Variants in ANKRD11 observed in about 807,000 individuals in gnomAD.
ANKRD11 encodes ankyrin repeat domain 11, also known as ankyrin repeat domain-containing protein 11.
A neutral mutation model predicts 195.7 loss-of-function variants in ANKRD11; 17 were observed. That is an observed-to-expected ratio of 0.09 (90% confidence interval 0.06 to 0.13). ANKRD11 has a LOEUF of 0.13. ANKRD11 is among the 10% of genes least tolerant of loss of function. The probability of loss-of-function intolerance (pLI) is 1.00; values close to 1 mark genes in which losing one functional copy is unlikely to be tolerated. For missense variants in ANKRD11, 3,735 were observed against 3,566.1 expected (o/e 1.05, Z -1.21); for synonymous variants, 1,953 against 1,528.1 (o/e 1.28, Z -6.49).
In ANKRD11 at chr16:89,283,323, G is replaced by C. The variant is rs1248230536; in HGVS notation, c.3219C>G (p.Asp1073Glu). 1 of 1,613,752 alleles carries C rather than the reference G, an allele frequency of 6.2e-7. No homozygotes were observed. The highest frequency in any genetic ancestry group is 1.3e-5 in the African/African-American group (1 of 74,978). Residue 1073 changes from aspartate (D) to glutamate (E), a missense_variant, in exon 9 of 13, where the codon GAC becomes GAG. Transcript: ENST00000301030. The surrounding 1 kb of genome is among the most constrained non-coding windows in gnomAD (Gnocchi z 4.3). ...GGTCGAGAGACGCTTTCCTTTCTTT[G>C]TCTTTGCCATGTGTGTCTTTATGTT... ...KEKHKDTHGK[D>E]KERKASLDQG...
At chr16:89,368,297 A>G (rs1178078028) in intron 2 of ANKRD11, among the ~76,000 whole-genome samples, 2 of 150,794 alleles carry the variant, frequency 1.3e-5, no homozygotes, top group African/African-American at 4.9e-5. Flanking sequence ...CCAGGTTACA[A>G]GCGATTCTCC....
chr16:89,446,201 C>T (rs2043784581), intron 1 of ANKRD11, among the ~76,000 whole-genome samples: 1 of 152,142 alleles, frequency 6.6e-6, no homozygotes, highest in South Asian at 2.1e-4. Flanking sequence ...GTGTGTTTTC[C>T]ATGAATGAGC....
intron 12 of ANKRD11, among the ~76,000 whole-genome samples, chr16:89,269,759 C>G (rs551417440): frequency 4.6e-5 from 7 of 152,168 alleles, no homozygotes; most frequent in African/African-American, 1.7e-4. Flanking sequence ...CCATGCCCAG[C>G]TAATTTTTGT....
chr16:89,359,447 G>A (rs1480541292), intron 2 of ANKRD11, among the ~76,000 whole-genome samples: 4 of 152,182 alleles, frequency 2.6e-5, no homozygotes, highest in Admixed American at 6.5e-5. Context: ...AAGGAGCAGC[G>A]CACACGTCTG....
intron 2 of ANKRD11, chr16:89,395,913 C>T (rs1037483545): frequency 2.6e-5 from 4 of 152,204 alleles, no homozygotes; most frequent in Non-Finnish European, 5.9e-5. Context: ...TTGTGCATAT[C>T]CTTCATGACA....
At chr16:89,389,101 G>A (rs1276501082) in intron 2 of ANKRD11, among the ~76,000 whole-genome samples, 2 of 152,100 alleles carry the variant, frequency 1.3e-5, no homozygotes, top group South Asian at 2.1e-4. Context: ...GCAGTGGTAC[G>A]ACAGCCTCCA....
intron 2 of ANKRD11, among the ~76,000 whole-genome samples, chr16:89,363,352 C>T (rs932822670): frequency 3.3e-5 from 5 of 152,178 alleles, no homozygotes; most frequent in African/African-American, 1.2e-4. Flanking sequence ...ATTCAGTCTG[C>T]ATTAGGAGAT....
intron 2 of ANKRD11, among the ~76,000 whole-genome samples, chr16:89,330,891 G>C (rs2038030858): frequency 6.6e-6 from 1 of 152,178 alleles, no homozygotes; most frequent in African/African-American, 2.4e-5. Context: ...TGACTGTACA[G>C]TTCTAGTTAG....
chr16:89,277,654 C>G (rs977267616), intron 9 of ANKRD11: 1 of 152,290 alleles, frequency 6.6e-6, no homozygotes. Flanking sequence ...CCGGGGACGG[C>G]TGGGGTCAGG....
chr16:89,390,352 C>T (rs546064776), intron 2 of ANKRD11, among the ~76,000 whole-genome samples: 5 of 151,584 alleles, frequency 3.3e-5, no homozygotes, highest in East Asian at 1.9e-4. Flanking sequence ...GGGCGAACAC[C>T]GAGTGTGGCG....
rs76501536 is a variant in ANKRD11 at position 89,405,777 on chromosome 16, C to T, written c.-60+12507G>A. Among the ~76,000 whole-genome samples the T allele has an allele frequency of 3.2e-4, 49 of 152,206 alleles. No individual in the cohort carries two copies. The East Asian group carries it at 8.1e-3, about 25-fold the overall frequency. On this transcript the variant is annotated intron_variant, in intron 2 of 12. Coordinates refer to ENST00000301030, the MANE Select transcript of ANKRD11 (RefSeq NM_013275.6). The stretch of plus-strand genomic sequence containing the variant: ...CAGCCAGACCCTGGGGCTTAGGGGT[C>T]AAATTCCTCACACCTTCCCCCAGCG...
intron 1 of ANKRD11, among the ~76,000 whole-genome samples, chr16:89,481,429 C>T (rs1036407228): frequency 1.3e-5 from 2 of 152,134 alleles, no homozygotes; most frequent in South Asian, 2.1e-4. Context: ...AATTAGCGCA[C>T]GTCTGTAGTT....
At chr16:89,277,538 CAGA>C (rs2033759169) in intron 9 of ANKRD11, 1 of 152,278 alleles carries the variant, frequency 6.6e-6, no homozygotes, top group Non-Finnish European at 1.5e-5. Context: ...ACAAAAAGCA[CAGA>C]AGGTCAGAAG....
chr16:89,281,475 C>A lies in ANKRD11; in HGVS notation c.5067G>T (p.Leu1689=). ...WLAGPHMKEV[L]PASPRPDQSR... ...TCTGGTCAGGCCTGGGGGACGCAGG[C>A]AGGACCTCTTTCATGTGAGGGCCTG... The change falls in exon 9 of 13, where the codon CTG becomes CTT. Residue 1689 remains leucine, a synonymous_variant. Coordinates refer to ENST00000301030, the MANE Select transcript of ANKRD11 (RefSeq NM_013275.6). This position sits in a 1 kb window ranked among gnomAD's most constrained non-coding sequence, Gnocchi z 5.5. 1.9e-6 allele frequency: 3 copies of A among 1,614,158 alleles called. No individual in the cohort carries two copies. The highest frequency in any genetic ancestry group is 2.5e-6 in the Non-Finnish European group (3 of 1,180,016).
rs115031568 is a variant in ANKRD11, at chr16:89,420,584, A to G, written c.-144-2216T>C. ...TGTCTTAGGGTCCCACAGGGTATGG[A>G]AAGCAAGTTGGGAAGAGAAAATTCT... On this transcript the variant is annotated intron_variant, in intron 1 of 12. Coordinates refer to ENST00000301030, the MANE Select transcript of ANKRD11 (RefSeq NM_013275.6). Among the ~76,000 whole-genome samples the G allele has an allele frequency of 5.8e-3, 888 of 152,350 alleles. 7 individuals are homozygous for G. Among genetic ancestry groups the G allele is most frequent in the African/African-American group, 0.02 (838 of 41,582 alleles).
At chr16:89,374,320 C>T (rs1419845177) in intron 2 of ANKRD11, among the ~76,000 whole-genome samples, 15 of 151,626 alleles carry the variant, frequency 9.9e-5, no homozygotes, top group Admixed American at 9.9e-4. Context: ...CGAGTTATGG[C>T]TCACCATGTG....
intron 2 of ANKRD11, among the ~76,000 whole-genome samples, chr16:89,400,031 C>A (rs573381848): frequency 5.3e-3 from 455 of 86,558 alleles, no homozygotes; most frequent in South Asian, 8.2e-3. Context: ...GCGCTGGAGG[C>A]CGGTCATCTG....
At chr16:89,298,903 C>T (rs2035630325) in intron 4 of ANKRD11, 1 of 152,246 alleles carries the variant, frequency 6.6e-6, no homozygotes, top group Non-Finnish European at 1.5e-5. Flanking sequence ...TTTTGACGTG[C>T]TTTTTCTTGA....
In ANKRD11 at chr16:89,290,809, G is replaced by A. The variant is rs748683740; in HGVS notation, c.417C>T (p.His139=). The A allele has an allele frequency of 4.3e-6, 7 of 1,613,768 alleles. No individual in the cohort carries two copies. In the Admixed American group the frequency reaches 6.7e-5, roughly 15 times the overall value. The change falls in exon 6 of 13, where the codon CAC becomes CAT. Residue 139 remains histidine, a synonymous_variant. Transcript: ENST00000301030. The stretch of plus-strand genomic sequence containing the variant: ...TCTGACACACTGTAGACTGGGAGGG[G>A]TGCTTTGGTGTTGTGTCCACTGCAG... ...ANSPVDTTPK[H]PSQSTVCQKG...
Sources: gnomAD v4.1 joint callset for allele counts (sites outside exome capture counted in the v4.1 genomes callset) on GRCh38, gnomAD v4.1.1 for gene constraint, Gnocchi (gnomAD v3.1) non-coding constraint, MANE v1.5 for transcripts, NCBI Gene and HGNC (gene_info 2026-07-23, HGNC 2026-07-21) for gene names.